The following TRPA1 variants were observed in gnomAD, a reference collection of about 807,000 sequenced individuals.
TRPA1 encodes transient receptor potential cation channel subfamily A member 1.
Under a neutral mutation model 131.3 loss-of-function variants are expected in TRPA1, and 129 were observed. The ratio of observed to expected loss-of-function variants is 0.98; its 90% CI spans 0.85 to 1.14. The LOEUF (loss-of-function observed/expected upper bound fraction) is 1.14. Ranked by LOEUF, TRPA1 falls within the 50% of genes most tolerant of loss-of-function variation. TRPA1 has a pLI of 0.00. For missense variants in TRPA1, 1,304 were observed against 1,354.2 expected, an observed-to-expected ratio of 0.96 and a Z score of 0.58; for synonymous variants, 441 against 451.7, an observed-to-expected ratio of 0.98 and a Z score of 0.30.
Position 72,053,796 on chromosome 8 carries a change from A to T in TRPA1, c.1601T>A (p.Leu534His). ...ATCTGTGCACTTCAAATTAGTATCA[A>T]GAATGACCTTCATGGTCTGAGTGTA... ...GGYTQTMKVILDTNLKCTDRL... is the reference protein window; with the variant it reads ...GGYTQTMKVIHDTNLKCTDRL... Residue 534 changes from leucine to histidine, a missense_variant, in exon 13 of 27, where the codon CTT becomes CAT. Transcript: ENST00000262209. 1 of 1,612,742 alleles carries T rather than the reference A, an allele frequency of 6.2e-7. No individual in the cohort carries two copies. Among genetic ancestry groups the T allele is most frequent in the Non-Finnish European group, 8.5e-7 (1 of 1,179,874 alleles).
At chr8:72,057,604 CTGGCACACAATAGATGG>C in intron 9 of TRPA1, 96 bp downstream of exon 9, 2 of 855,450 alleles carry the variant, frequency 2.3e-6, no homozygotes, top group Non-Finnish European at 4.0e-6. Flanking sequence ...GGCCCAGGGC[CTGGCACACAATAGATGG>C]TGGCACACAA....
intron 1 of TRPA1, among the ~76,000 whole-genome samples, chr8:72,074,314 A>C (rs1033564879): frequency 6.6e-6 from 1 of 152,240 alleles, no homozygotes; most frequent in African/African-American, 2.4e-5. Flanking sequence ...TAAATCTACA[A>C]GTGCCAATTT....
the TRPA1 span, among the ~76,000 whole-genome samples, chr8:72,085,667 A>G: frequency 2.0e-5 from 3 of 151,752 alleles, no homozygotes; most frequent in Admixed American, 2.0e-4. Context: ...GATGTGTTGC[A>G]TGCAAGCAGC....
intron 1 of TRPA1, among the ~76,000 whole-genome samples, chr8:72,073,021 A>T (rs1806100316): frequency 6.6e-6 from 1 of 152,166 alleles, no homozygotes; most frequent in African/African-American, 2.4e-5. Flanking sequence ...TTTAGACAAA[A>T]TATATATTCA....
intron 21 of TRPA1, among the ~76,000 whole-genome samples, chr8:72,035,047 G>C (rs758434626): frequency 6.6e-6 from 1 of 152,154 alleles, no homozygotes; most frequent in Non-Finnish European, 1.5e-5. Flanking sequence ...CACACTACAT[G>C]ATTTGCATTT....
chr8:72,069,760 C>T (rs1010767797), intron 2 of TRPA1, among the ~76,000 whole-genome samples: 23 of 151,020 alleles, frequency 1.5e-4, no homozygotes, highest in Admixed American at 1.4e-3. Flanking sequence ...AAAAAAAAAA[C>T]ATATATTCAT....
At chr8:72,065,659 CTGTT>C (rs1585886756) in intron 3 of TRPA1, 101 bp from the exon 4 acceptor site, 3 of 834,112 alleles carry the variant, frequency 3.6e-6, no homozygotes, top group East Asian at 5.5e-5. Context: ...GGGACCATGT[CTGTT>C]TATCTTTTAT....
chr8:72,059,455 A>T lies in TRPA1; in HGVS notation c.945-17T>A, dbSNP rs769491008. ...AATGAAGCTCTGAAAAAACAGAATT[A>T]TAAACATTATAATTAAAGTACTATT... On this transcript the variant is annotated splice_polypyrimidine_tract_variant and intron_variant, in intron 7 of 26. Transcript: ENST00000262209. 6.7e-7 allele frequency: 1 copy of T among 1,490,220 alleles called. No homozygotes were observed. Among genetic ancestry groups the T allele is most frequent in the Non-Finnish European group, 9.3e-7 (1 of 1,077,140 alleles). 92.3% of individuals were successfully genotyped at this position (1,490,220 alleles called of 1,614,324 possible). A position where few individuals can be genotyped will look rare whatever the true frequency, so the allele number is the denominator to read the frequency against.
At chr8:72,080,018 A>G (rs1441260307), upstream of TRPA1, among the ~76,000 whole-genome samples, 5 of 152,120 alleles carry the variant, frequency 3.3e-5, no homozygotes, top group East Asian at 7.7e-4. Flanking sequence ...CTACAGTATT[A>G]CTAACTTTGC....
chr8:72,053,949 T>G, intron 12 of TRPA1, 82 bp from the exon 13 acceptor site: 1 of 923,626 alleles, frequency 1.1e-6, no homozygotes, highest in South Asian at 1.4e-5. Flanking sequence ...TTATTCTAGG[T>G]AAATCTGATG....
chr8:72,081,003 A>T, the TRPA1 span, among the ~76,000 whole-genome samples: 5,840 of 150,802 alleles, frequency 0.039, 379 homozygotes, highest in African/African-American at 0.13. Context: ...GATTTTATTG[A>T]TTTTCTCTAT....
At chr8:72,030,032 G>A (rs531396480) in intron 23 of TRPA1, 63 bp from the exon 24 acceptor site, 3 of 1,404,126 alleles carry the variant, frequency 2.1e-6, no homozygotes, top group East Asian at 2.3e-5. Flanking sequence ...TGCATGTAAG[G>A]TCTGTCTTAG....
the TRPA1 span, among the ~76,000 whole-genome samples, chr8:72,084,204 CTG>C: frequency 5.3e-5 from 8 of 152,070 alleles, no homozygotes; most frequent in African/African-American, 1.7e-4. Context: ...CAGCATTTGA[CTG>C]TATTTTTGAT....
Position 72,037,967 on chromosome 8 carries a change from A to G in TRPA1, c.2385+16T>C. 3 of 1,493,146 alleles carry G rather than the reference A, an allele frequency of 2.0e-6. No individual in the cohort carries two copies. The highest frequency in any genetic ancestry group is 2.8e-6 in the Non-Finnish European group (3 of 1,071,978). 92.5% of individuals were successfully genotyped at this position (1,493,146 alleles called of 1,614,324 possible). ...AAAATATGTGCAACTTTAGAGATACAAAATGTATTACATACCTGTTGGAAA... is the reference window on the plus strand; with the variant it reads ...AAAATATGTGCAACTTTAGAGATACGAAATGTATTACATACCTGTTGGAAA... On this transcript the variant is annotated intron_variant, in intron 20 of 26. Transcript: ENST00000262209.
At chr8:72,084,450 AAAC>A in the TRPA1 span, among the ~76,000 whole-genome samples, 1 of 151,400 alleles carries the variant, frequency 6.6e-6, no homozygotes, top group African/African-American at 2.4e-5. Context: ...TTTTTTAAGG[AAAC>A]AACTTTTGGT....
chr8:72,084,331 T>A, the TRPA1 span, among the ~76,000 whole-genome samples: 1 of 143,920 alleles, frequency 6.9e-6, no homozygotes, highest in African/African-American at 3.0e-5. Context: ...GTATTGGGAT[T>A]CATAGTATCC....
chr8:72,061,677 T>C lies in TRPA1; in HGVS notation c.892A>G (p.Ser298Gly). 6.2e-7 allele frequency: 1 copy of C among 1,614,056 alleles called. No individual in the cohort carries two copies. Among genetic ancestry groups the C allele is most frequent in the Non-Finnish European group, 8.5e-7 (1 of 1,179,960 alleles). Residue 298 changes from serine (S) to glycine (G), a missense_variant, in exon 7 of 27, where the codon AGC becomes GGC. Ser to Gly is a moderately conservative substitution (Grantham distance 56). Transcript: ENST00000262209. Reference sequence around the variant, plus strand: ...TCGGTTGTGTTAACAATATCCACGCTACCAGAATAGGACGATATCATCAGT... The same window carrying C: ...TCGGTTGTGTTAACAATATCCACGCCACCAGAATAGGACGATATCATCAGT... The part of the protein sequence containing the change: ...VKLMISSYSG[S>G]VDIVNTTDGC...
chr8:72,025,820 C>CA, intron 25 of TRPA1, 140 bp downstream of exon 25: 2 of 742,624 alleles, frequency 2.7e-6, no homozygotes, highest in Non-Finnish European at 4.7e-6. Context: ...TAATCATATC[C>CA]TTTTTTTAAA....
chr8:72,053,322 T>C (rs1805575561), intron 13 of TRPA1: 2 of 234,608 alleles, frequency 8.5e-6, no homozygotes, highest in South Asian at 1.3e-4. Context: ...ATCCCCATCA[T>C]TTTATGAACA....
Sources: allele counts gnomAD v4.1 joint callset (sites outside exome capture counted in the v4.1 genomes callset), GRCh38; gene constraint gnomAD v4.1.1; transcripts MANE v1.5; gene names NCBI Gene and HGNC (gene_info 2026-07-23, HGNC 2026-07-21).